Variants in UXS1 observed in about 807,000 individuals in gnomAD.
UXS1 encodes the protein UDP-glucuronate decarboxylase 1.
UXS1 carries 33 observed loss-of-function variants against 62.6 expected under a neutral mutation model. The observed-to-expected ratio is 0.53, with a 90% CI of 0.40 to 0.70. The LOEUF (loss-of-function observed/expected upper bound fraction) is 0.70, where lower values mean the gene tolerates loss of function less well. Ranked by LOEUF, UXS1 falls within the 30% of genes least tolerant of loss-of-function variation. The pLI, the probability that UXS1 is intolerant of heterozygous loss-of-function variation, is 0.00. For synonymous variants in UXS1, 213 were observed against 206.8 expected, an observed-to-expected ratio of 1.03 and a Z score of -0.26; for missense variants, 434 against 556.3, an observed-to-expected ratio of 0.78 and a Z score of 2.21.
intron 4 of UXS1, among the ~76,000 whole-genome samples, chr2:106,158,458 G>A (rs988863269): frequency 2.6e-5 from 4 of 152,234 alleles, no homozygotes; most frequent in South Asian, 2.1e-4. Flanking sequence ...GGAGATGGCC[G>A]TGAAACTGCC....
chr2:106,125,563 G>T, intron 8 of UXS1, 57 bp downstream of exon 8: 2 of 1,478,012 alleles, frequency 1.4e-6, no homozygotes, highest in Middle Eastern at 1.8e-4. Context: ...TTCTGAGACA[G>T]GATGAAAACA....
At chr2:106,188,754 A>G (rs535643125) in intron 1 of UXS1, among the ~76,000 whole-genome samples, 1 of 152,322 alleles carries the variant, frequency 6.6e-6, no homozygotes, top group South Asian at 2.1e-4. Context: ...CCATCCCTAC[A>G]GAGTCCCCCA....
chr2:106,096,595 C>G (rs1390620412), intron 14 of UXS1, 123 bp downstream of exon 14: 5 of 746,088 alleles, frequency 6.7e-6, no homozygotes, highest in Middle Eastern at 3.3e-4. Context: ...CTCTATCTGC[C>G]TGGATGCCGA....
chr2:106,111,187 T>A (rs982316204), intron 10 of UXS1, among the ~76,000 whole-genome samples: 3 of 152,132 alleles, frequency 2.0e-5, no homozygotes, highest in African/African-American at 7.2e-5. Context: ...GGCAGCAGTG[T>A]AGACCAGGGA....
At chr2:106,101,229 A>C in intron 11 of UXS1, 111 bp from the exon 12 acceptor site, 1 of 1,128,256 alleles carries the variant, frequency 8.9e-7, no homozygotes, top group Non-Finnish European at 1.3e-6. Flanking sequence ...GAGAAAACAA[A>C]AACCCAAATG....
intron 1 of UXS1, among the ~76,000 whole-genome samples, chr2:106,169,365 C>T (rs557135293): frequency 2.6e-5 from 4 of 152,152 alleles, no homozygotes; most frequent in Non-Finnish European, 5.9e-5. Context: ...TTTGCTTTTT[C>T]AGTTTTTTCT....
At chr2:106,136,952 T>G (rs1381860219) in intron 6 of UXS1, among the ~76,000 whole-genome samples, 1 of 84,786 alleles carries the variant, frequency 1.2e-5, no homozygotes, top group Non-Finnish European at 2.3e-5. Context: ...AATGGAGAAG[T>G]CAAGAACACA....
At chr2:106,175,236 T>C (rs979236306) in intron 1 of UXS1, among the ~76,000 whole-genome samples, 1 of 152,242 alleles carries the variant, frequency 6.6e-6, no homozygotes, top group Non-Finnish European at 1.5e-5. Context: ...GAAAGTATTA[T>C]TGGCAGAGAA....
chr2:106,153,668 A>G (rs1682209445), intron 5 of UXS1, among the ~76,000 whole-genome samples: 1 of 152,224 alleles, frequency 6.6e-6, no homozygotes, highest in South Asian at 2.1e-4. Flanking sequence ...GCAAAGAAAC[A>G]GAAATGGGTG....
chr2:106,189,601 GAGGA>G (rs1184336980), intron 1 of UXS1, among the ~76,000 whole-genome samples: 1 of 152,200 alleles, frequency 6.6e-6, no homozygotes, highest in African/African-American at 2.4e-5. Context: ...CTCAGGGAGT[GAGGA>G]AGGGAGGGCA....
chr2:106,141,327 A>G (rs1681078056), intron 6 of UXS1, among the ~76,000 whole-genome samples: 1 of 152,242 alleles, frequency 6.6e-6, no homozygotes, highest in Non-Finnish European at 1.5e-5. Flanking sequence ...ATAAATACCT[A>G]TTTGTGTTAG....
At chr2:106,131,139 G>A (rs369596197) in intron 6 of UXS1, among the ~76,000 whole-genome samples, 2,537 of 148,622 alleles carry the variant, frequency 0.017, 32 homozygotes, top group Non-Finnish European at 0.025. Flanking sequence ...CAAAGAAAGG[G>A]GTGACGGACG....
Position 106,108,959 on chromosome 2 carries a change from ACCCTCGACATCT to A in UXS1, c.879+3675_879+3686del, listed in dbSNP as rs879483566. Among the ~76,000 whole-genome samples, 83 of 144,730 alleles carry A rather than the reference ACCCTCGACATCT, an allele frequency of 5.7e-4. 1 individual carries two copies. The South Asian group carries it at 0.013, about 22-fold the overall frequency. The allele number at this position is 144,730 out of a possible 152,430, so 94.9% of individuals were successfully genotyped here. On this transcript the variant is annotated intron_variant, in intron 10 of 14. Coordinates refer to ENST00000283148, the MANE Select transcript of UXS1 (RefSeq NM_001253875.2). ...AAACCCTTACCCTCGATATCTGATC[ACCCTCGACATCT>A]GACATTCCTCACCCCCCATATCCCC...
chr2:106,167,721 A>T (rs1003738658), intron 1 of UXS1, among the ~76,000 whole-genome samples: 3 of 152,260 alleles, frequency 2.0e-5, no homozygotes. Context: ...TAAAAAAAAT[A>T]AAAACTGCTT....
chr2:106,177,680 G>A (rs944640930), intron 1 of UXS1, among the ~76,000 whole-genome samples: 2 of 152,308 alleles, frequency 1.3e-5, no homozygotes, highest in Non-Finnish European at 1.5e-5. Context: ...GCGAGAAGGC[G>A]CCATCTATGA....
chr2:106,111,726 A>G (rs924588207), intron 10 of UXS1, among the ~76,000 whole-genome samples: 1 of 152,230 alleles, frequency 6.6e-6, no homozygotes, highest in African/African-American at 2.4e-5. Flanking sequence ...GGGTAGATGC[A>G]TATGTACTAC....
chr2:106,141,235 T>C (rs926331719), intron 6 of UXS1, among the ~76,000 whole-genome samples: 1 of 152,008 alleles, frequency 6.6e-6, no homozygotes, highest in Non-Finnish European at 1.5e-5. Flanking sequence ...ATATATGATA[T>C]AGAAAGATCA....
At chr2:106,181,388 C>T (rs541112066) in intron 1 of UXS1, among the ~76,000 whole-genome samples, 9 of 152,298 alleles carry the variant, frequency 5.9e-5, no homozygotes, top group East Asian at 1.9e-4. Flanking sequence ...TGAGAATAAC[C>T]GTTAATGAAT....
intron 12 of UXS1, among the ~76,000 whole-genome samples, chr2:106,099,116 T>A (rs1265357600): frequency 2.0e-5 from 3 of 152,210 alleles, no homozygotes; most frequent in African/African-American, 7.2e-5. Flanking sequence ...AGCTTGGGTT[T>A]ACAAAATTAG....
Sources: allele counts gnomAD v4.1 joint callset (sites outside exome capture counted in the v4.1 genomes callset), GRCh38; gene constraint gnomAD v4.1.1; transcripts MANE v1.5; gene names NCBI Gene and HGNC (gene_info 2026-07-23, HGNC 2026-07-21).